TBC1D19: variants seen among roughly 807,000 people sequenced by gnomAD.
The protein encoded by TBC1D19 is TBC1 domain family, member 19.
A neutral mutation model predicts 89.0 loss-of-function variants in TBC1D19; 60 were observed. The observed-to-expected ratio is 0.67, with a 90% CI of 0.55 to 0.84. The LOEUF is 0.84. Ranked by LOEUF, TBC1D19 falls within the 40% of genes least tolerant of loss-of-function variation. The probability of loss-of-function intolerance (pLI) is 0.00; values close to 1 mark genes in which losing one functional copy is unlikely to be tolerated. For missense variants in TBC1D19, 500 were observed against 610.8 expected, an observed-to-expected ratio of 0.82 and a Z score of 1.91; for synonymous variants, 189 against 199.7, an observed-to-expected ratio of 0.95 and a Z score of 0.45.
intron 15 of TBC1D19, among the ~76,000 whole-genome samples, chr4:26,735,099 T>TAC (rs1578000471): frequency 6.6e-6 from 1 of 151,008 alleles, no homozygotes; most frequent in East Asian, 1.9e-4. Context: ...TACACATGTA[T>TAC]ATATGTATAT....
chr4:26,796,121 A>G, the TBC1D19 span, among the ~76,000 whole-genome samples: 4 of 152,218 alleles, frequency 2.6e-5, no homozygotes, highest in African/African-American at 4.8e-5. Context: ...TGAATATACT[A>G]TAATTTGACG....
At chr4:26,775,528 T>C in the TBC1D19 span, among the ~76,000 whole-genome samples, 3 of 152,200 alleles carry the variant, frequency 2.0e-5, no homozygotes, top group Non-Finnish European at 4.4e-5. Context: ...ATGATTAGGC[T>C]ATGAGGGCTC....
At chr4:26,578,902 C>A (rs1436261080) in intron 1 of TBC1D19, among the ~76,000 whole-genome samples, 1 of 152,104 alleles carries the variant, frequency 6.6e-6, no homozygotes, top group Non-Finnish European at 1.5e-5. Context: ...TAGTTGAAAG[C>A]AATTTATGAG....
At chr4:26,840,873 A>G in the TBC1D19 span, among the ~76,000 whole-genome samples, 2 of 151,958 alleles carry the variant, frequency 1.3e-5, no homozygotes, top group South Asian at 4.1e-4. Flanking sequence ...CCTTCTTCTC[A>G]CTTCTCAGCC....
chr4:26,800,168 A>G, the TBC1D19 span, among the ~76,000 whole-genome samples: 4 of 152,014 alleles, frequency 2.6e-5, no homozygotes, highest in South Asian at 8.3e-4. Flanking sequence ...TCCCCACCCC[A>G]CAACAGTCCC....
the TBC1D19 span, among the ~76,000 whole-genome samples, chr4:26,800,358 G>A: frequency 3.3e-5 from 5 of 152,202 alleles, no homozygotes; most frequent in Non-Finnish European, 7.3e-5. Flanking sequence ...TGGCTGCATA[G>A]TATTCCATGG....
intron 13 of TBC1D19, among the ~76,000 whole-genome samples, chr4:26,710,278 G>A (rs1180818045): frequency 6.6e-6 from 1 of 151,926 alleles, no homozygotes; most frequent in Non-Finnish European, 1.5e-5. Context: ...GAGAACATGC[G>A]GTGTTTGGTT....
the TBC1D19 span, among the ~76,000 whole-genome samples, chr4:26,843,997 G>A: frequency 6.6e-6 from 1 of 152,186 alleles, no homozygotes; most frequent in African/African-American, 2.4e-5. Context: ...CCGGCCCCAC[G>A]ATCCAAACAC....
intron 13 of TBC1D19, among the ~76,000 whole-genome samples, chr4:26,704,130 TAA>T (rs893170675): frequency 4.6e-5 from 7 of 152,260 alleles, no homozygotes; most frequent in South Asian, 2.1e-4. Context: ...ATTCCAGTGT[TAA>T]GTTAGTTTTT....
At chr4:26,858,641 A>G in the TBC1D19 span, 2 of 152,158 alleles carry the variant, frequency 1.3e-5, no homozygotes, top group South Asian at 4.1e-4. Flanking sequence ...AGTGACACGT[A>G]CCTCTCTCTG....
At chr4:26,813,889 G>A in the TBC1D19 span, among the ~76,000 whole-genome samples, 1 of 152,134 alleles carries the variant, frequency 6.6e-6, no homozygotes, top group Non-Finnish European at 1.5e-5. Context: ...GTAAGCTGGG[G>A]TGTTTCCTCC....
the TBC1D19 span, among the ~76,000 whole-genome samples, chr4:26,798,768 C>T: frequency 6.6e-6 from 1 of 151,672 alleles, no homozygotes; most frequent in Non-Finnish European, 1.5e-5. Flanking sequence ...AGTGAACTAA[C>T]TCAGAAAAAG....
At chr4:26,660,649 A>G (rs1288684243) in intron 8 of TBC1D19, among the ~76,000 whole-genome samples, 1 of 152,126 alleles carries the variant, frequency 6.6e-6, no homozygotes. Flanking sequence ...TCCTGTATGT[A>G]GGAGTCAGCA....
At chr4:26,609,957 A>C (rs543845759) in intron 1 of TBC1D19, among the ~76,000 whole-genome samples, 1 of 152,172 alleles carries the variant, frequency 6.6e-6, no homozygotes, top group South Asian at 2.1e-4. Context: ...ACCAATAAAC[A>C]TAGTAAATAA....
chr4:26,656,684 G>A lies in TBC1D19; in HGVS notation c.481-2913G>A, dbSNP rs543699493. Among the ~76,000 whole-genome samples the A allele has an allele frequency of 4.4e-3, 670 of 151,186 alleles. 2 individuals carry two copies. The highest frequency in any genetic ancestry group is 5.2e-3 in the African/African-American group (215 of 41,184). ...AGCAATTCTCCTGCCTCAGCCTCCCGAGTAGCTGGAACTACAGGAGCACAC... is the reference window on the plus strand; with the variant it reads ...AGCAATTCTCCTGCCTCAGCCTCCCAAGTAGCTGGAACTACAGGAGCACAC... On this transcript the variant is annotated intron_variant, in intron 7 of 20. Transcript: ENST00000264866.
At chr4:26,823,425 G>A in the TBC1D19 span, among the ~76,000 whole-genome samples, 2 of 152,150 alleles carry the variant, frequency 1.3e-5, no homozygotes, top group African/African-American at 4.8e-5. Flanking sequence ...TACAATTTGG[G>A]TTAATGAGAG....
At chr4:26,825,941 C>T in the TBC1D19 span, among the ~76,000 whole-genome samples, 2 of 152,214 alleles carry the variant, frequency 1.3e-5, no homozygotes, top group Non-Finnish European at 2.9e-5. Flanking sequence ...GTGGCTCACG[C>T]CTGTAATCCC....
chr4:26,644,204 A>G (rs1055129810), intron 7 of TBC1D19, among the ~76,000 whole-genome samples: 1 of 152,238 alleles, frequency 6.6e-6, no homozygotes, highest in Non-Finnish European at 1.5e-5. Context: ...ATCCAGCAGC[A>G]TATCAAAAAG....
chr4:26,807,233 C>T, the TBC1D19 span, among the ~76,000 whole-genome samples: 1,400 of 152,184 alleles, frequency 9.2e-3, 17 homozygotes, highest in Non-Finnish European at 0.011. Flanking sequence ...GTGAGGAGAC[C>T]GGTATCCGAC....
Sources: gnomAD v4.1 joint callset for allele counts (sites outside exome capture counted in the v4.1 genomes callset) on GRCh38, gnomAD v4.1.1 for gene constraint, MANE v1.5 for transcripts, NCBI Gene and HGNC (gene_info 2026-07-23, HGNC 2026-07-21) for gene names.